RYR2: variants seen among roughly 807,000 people sequenced by gnomAD.
The protein encoded by RYR2 is cardiac muscle ryanodine receptor-calcium release channel.
In RYR2, 227 loss-of-function variants were observed where a neutral mutation model predicts 601.1. The ratio of observed to expected loss-of-function variants is 0.38; its 90% confidence interval spans 0.34 to 0.42. RYR2 has a LOEUF of 0.42. RYR2 is among the 10% of genes least tolerant of loss of function. The pLI is 1.00. For missense variants in RYR2, 4,646 were observed against 6,156.5 expected (o/e 0.75, Z 8.21); for synonymous variants, 2,223 against 2,175.1 (o/e 1.02, Z -0.61).
In RYR2 at chr1:237,042,215, C is replaced by G. The variant is rs143537474; in HGVS notation, c.-307C>G. ...TCGGAGGAGCCGGGGCCGAGCGGACCGCCGGCTGCAGGCAGCGAGCGCGGC... is the reference window on the plus strand; with the variant it reads ...TCGGAGGAGCCGGGGCCGAGCGGACGGCCGGCTGCAGGCAGCGAGCGCGGC... On this transcript the variant is annotated 5_prime_UTR_variant, in exon 1 of 105. Transcript: ENST00000366574. 2.5e-4 allele frequency: 41 copies of G among 164,958 alleles called. No homozygotes were observed. The highest frequency in any genetic ancestry group is 5.6e-3 in the Middle Eastern group (2 of 358). 10.2% of individuals were successfully genotyped at this position (164,958 alleles called of 1,614,324 possible). A position where few individuals can be genotyped will look rare whatever the true frequency, so the allele number is the denominator to read the frequency against.
intron 1 of RYR2, among the ~76,000 whole-genome samples, chr1:237,119,969 A>G (rs573090561): frequency 7.2e-5 from 11 of 152,322 alleles, no homozygotes; most frequent in African/African-American, 2.6e-4. Flanking sequence ...CCGAGAGCAC[A>G]GGCAAATGTT....
Position 237,132,222 on chromosome 1 carries a change from A to G in RYR2, c.48+89653A>G, listed in dbSNP as rs74149720. The stretch of plus-strand genomic sequence containing the variant: ...TGTAATGAGGACACTCAAGTAATCT[A>G]TAGCGGGGCCTGTGTGGAGATGAAT... On this transcript the variant is annotated intron_variant, in intron 1 of 104. Transcript: ENST00000366574. Among the ~76,000 whole-genome samples, 1,191 of 152,348 alleles carry G rather than the reference A, an allele frequency of 7.8e-3. 9 individuals are homozygous for G. The highest frequency in any genetic ancestry group is 0.026 in the African/African-American group (1,087 of 41,582).
At chr1:237,715,785 T>C (rs1689220735) in intron 71 of RYR2, among the ~76,000 whole-genome samples, 1 of 152,174 alleles carries the variant, frequency 6.6e-6, no homozygotes, top group Non-Finnish European at 1.5e-5. Flanking sequence ...CGGTATTGGA[T>C]AGAAGTATGT....
At chr1:237,423,862 G>A (rs1248573721) in intron 12 of RYR2, among the ~76,000 whole-genome samples, 1 of 152,156 alleles carries the variant, frequency 6.6e-6, no homozygotes, top group Non-Finnish European at 1.5e-5. Context: ...GAGACTGGGT[G>A]ATTTATAATG....
At chr1:237,410,363 C>G (rs1017050156) in intron 10 of RYR2, among the ~76,000 whole-genome samples, 5 of 152,136 alleles carry the variant, frequency 3.3e-5, no homozygotes, top group African/African-American at 9.7e-5. Flanking sequence ...AAATGTTATT[C>G]AAGATAGATA....
intron 88 of RYR2, among the ~76,000 whole-genome samples, chr1:237,781,000 C>CTGT (rs1278894071): frequency 2.0e-5 from 3 of 152,030 alleles, no homozygotes; most frequent in Non-Finnish European, 4.4e-5. Context: ...GAATATTCCA[C>CTGT]TGTTGTGGTT....
intron 1 of RYR2, among the ~76,000 whole-genome samples, chr1:237,266,834 G>A (rs1336599079): frequency 6.6e-6 from 1 of 152,020 alleles, no homozygotes; most frequent in Non-Finnish European, 1.5e-5. Flanking sequence ...TGTAGCTATA[G>A]CCTCTCTCCT....
At position 237,775,839 on chromosome 1, in the gene RYR2, C is replaced by T. The variant is rs113206773; in HGVS notation, c.11775+2191C>T. On this transcript the variant is annotated intron_variant, in intron 87 of 104. Transcript: ENST00000366574. ...ACGTCATGAGAAAAAGAAAGCAAGG[C>T]ACCAGACTAGGGAGTTTACAGCTCC... Among the ~76,000 whole-genome samples the T allele has an allele frequency of 1.1e-3, 174 of 152,252 alleles. 1 individual carries two copies. Among genetic ancestry groups the T allele is most frequent in the African/African-American group, 4.1e-3 (171 of 41,534 alleles).
intron 1 of RYR2, among the ~76,000 whole-genome samples, chr1:237,098,063 T>C (rs1667670654): frequency 2.6e-5 from 4 of 152,212 alleles, no homozygotes; most frequent in Admixed American, 2.6e-4. Flanking sequence ...GATGTTTTCC[T>C]CCCTATTAAT....
At chr1:237,721,544 G>A (rs1396822984) in intron 73 of RYR2, among the ~76,000 whole-genome samples, 1 of 152,074 alleles carries the variant, frequency 6.6e-6, no homozygotes, top group Non-Finnish European at 1.5e-5. Context: ...TTGAGATGGA[G>A]TCTCACTCTG....
rs543591441 is a variant in RYR2 at position 237,500,796 on chromosome 1, C to T, written c.2289C>T (p.Ala763=). The change falls in exon 21 of 105, where the codon GCC becomes GCT. Residue 763 remains alanine, a synonymous_variant. Transcript: ENST00000366574. ...DVISCCLDLS[A]PSISFRINGQ... ...TCAGTTGCTGTTTAGATCTGAGTGC[C>T]CCAAGCATCTCGTTCCGAATTAATG... 4 of 1,613,956 alleles carry T rather than the reference C, an allele frequency of 2.5e-6. No homozygotes were observed. The East Asian group carries it at 8.9e-5, about 36-fold the overall frequency.
chr1:237,541,995 G>A (rs996883104), intron 25 of RYR2, among the ~76,000 whole-genome samples: 8 of 152,170 alleles, frequency 5.3e-5, no homozygotes, highest in Non-Finnish European at 7.3e-5. Flanking sequence ...CAGGGGATGC[G>A]ATGGCTTGGC....
chr1:237,181,226 C>T (rs776458969), intron 1 of RYR2, among the ~76,000 whole-genome samples: 9 of 152,212 alleles, frequency 5.9e-5, no homozygotes, highest in Middle Eastern at 6.8e-3. Context: ...TCAAGTGATC[C>T]GCCCTCCTCG....
At chr1:237,714,360 A>C (rs1054611777) in intron 71 of RYR2, among the ~76,000 whole-genome samples, 1 of 152,236 alleles carries the variant, frequency 6.6e-6, no homozygotes, top group African/African-American at 2.4e-5. Flanking sequence ...TACGAGAGAA[A>C]GAAACTGATA....
intron 29 of RYR2, among the ~76,000 whole-genome samples, chr1:237,589,117 T>C (rs1374843989): frequency 6.6e-6 from 1 of 152,216 alleles, no homozygotes; most frequent in Admixed American, 6.5e-5. Context: ...AGATTATATA[T>C]ATAATTTGTG....
At chr1:237,766,235 A>C (rs1315209406) in intron 84 of RYR2, among the ~76,000 whole-genome samples, 1 of 152,192 alleles carries the variant, frequency 6.6e-6, no homozygotes, top group Non-Finnish European at 1.5e-5. Flanking sequence ...ATTAAATACC[A>C]CTTAAGTGAT....
At chr1:237,533,798 G>A (rs1437703377) in intron 25 of RYR2, among the ~76,000 whole-genome samples, 1 of 152,204 alleles carries the variant, frequency 6.6e-6, no homozygotes, top group African/African-American at 2.4e-5. Flanking sequence ...TATAAATATA[G>A]GCAGGGATGT....
intron 1 of RYR2, among the ~76,000 whole-genome samples, chr1:237,082,524 C>CATTTATATATATATATATATATATATAT (rs1665827915): frequency 1.3e-5 from 1 of 79,958 alleles, no homozygotes; most frequent in African/African-American, 3.5e-5. Context: ...AATAGGAAAA[C>CATTTATATATATATATATATATATATAT]ATATATATAT....
intron 51 of RYR2, 127 bp from the exon 52 acceptor site, chr1:237,654,147 T>G (rs1272151147): frequency 9.3e-7 from 1 of 1,078,642 alleles, no homozygotes; most frequent in Non-Finnish European, 1.3e-6. Flanking sequence ...ATAATTTATA[T>G]GGGATTGGGC....
Sources: allele counts gnomAD v4.1 joint callset (sites outside exome capture counted in the v4.1 genomes callset), GRCh38; gene constraint gnomAD v4.1.1; transcripts MANE v1.5; gene names NCBI Gene and HGNC (gene_info 2026-07-23, HGNC 2026-07-21).